Variants in TRAPPC3L observed in about 807,000 individuals in gnomAD.
TRAPPC3L encodes the protein trafficking protein particle complex subunit 3-like protein.
Under a neutral mutation model 23.7 loss-of-function variants are expected in TRAPPC3L, and 23 were observed. The ratio of observed to expected loss-of-function variants is 0.97; its 90% CI spans 0.70 to 1.37. The LOEUF is 1.37. Among genes scored for constraint, TRAPPC3L ranks in the 40% most tolerant of loss-of-function variants. The pLI is 0.00. For missense variants in TRAPPC3L, 212 were observed against 216.8 expected, an observed-to-expected ratio of 0.98 and a Z score of 0.14; for synonymous variants, 81 against 77.9, an observed-to-expected ratio of 1.04 and a Z score of -0.21.
chr6:116,516,764 G>A (rs942552962), intron 3 of TRAPPC3L: 2 of 142,456 alleles, frequency 1.4e-5, no homozygotes, highest in Non-Finnish European at 1.5e-5. Flanking sequence ...GAATATATTA[G>A]CATTTTCTTC....
intron 4 of TRAPPC3L, 87 bp from the exon 5 acceptor site, chr6:116,497,160 C>A (rs1771845201): frequency 6.9e-7 from 1 of 1,451,408 alleles, no homozygotes; most frequent in East Asian, 2.6e-5. Context: ...GCTTTCTTTA[C>A]TTTCCTTAAG....
chr6:116,543,326 A>G lies in TRAPPC3L; in HGVS notation c.117T>C (p.Asp39=). 2.6e-6 allele frequency: 4 copies of G among 1,549,512 alleles called. No homozygotes were observed. The highest frequency in any genetic ancestry group is 3.5e-6 in the Non-Finnish European group (4 of 1,145,510). Residue 39 remains aspartate, a synonymous_variant, in exon 2 of 5, where the codon GAT becomes GAC. Coordinates refer to ENST00000368602, the MANE Select transcript of TRAPPC3L (RefSeq NM_001139444.3). ...QLCKDYEKDE[D]VNQYLDKMGY... is the part of the protein sequence containing the mutation. The stretch of plus-strand genomic sequence containing the variant: ...ACATTTTATCTAAATATTGGTTCAC[A>G]TCTTCATCCTTCTCATAATCCTTAC...
In TRAPPC3L at chr6:116,496,944, G is replaced by T; in HGVS notation, c.*10C>A. The T allele has an allele frequency of 6.5e-7, 1 of 1,540,014 alleles. No individual in the cohort carries two copies. The highest frequency in any genetic ancestry group is 8.7e-7 in the Non-Finnish European group (1 of 1,144,006). ...AGCTAGCCGCCCCGTGGCATTTTCCGTGCTAGTCTTCATTTTTTCCCTCTA... is the reference window on the plus strand; with the variant it reads ...AGCTAGCCGCCCCGTGGCATTTTCCTTGCTAGTCTTCATTTTTTCCCTCTA... On this transcript the variant is annotated 3_prime_UTR_variant, in exon 5 of 5. Transcript: ENST00000368602.
At chr6:116,534,430 G>A (rs1268023324) in intron 3 of TRAPPC3L, among the ~76,000 whole-genome samples, 1 of 151,866 alleles carries the variant, frequency 6.6e-6, no homozygotes, top group African/African-American at 2.4e-5. Context: ...AGTCATAGCA[G>A]TCTTGTGCAT....
intron 3 of TRAPPC3L, among the ~76,000 whole-genome samples, chr6:116,532,903 A>G (rs1234036223): frequency 6.6e-6 from 1 of 152,246 alleles, no homozygotes; most frequent in African/African-American, 2.4e-5. Context: ...TTATCTTAAC[A>G]TTACAACTCT....
At chr6:116,512,359 C>A in intron 3 of TRAPPC3L, 1 of 1,088,358 alleles carries the variant, frequency 9.2e-7, no homozygotes, top group Non-Finnish European at 1.3e-6. Flanking sequence ...GAAACTGAAA[C>A]ATGATGCAGC....
chr6:116,508,144 G>A (rs1291446513), intron 3 of TRAPPC3L, among the ~76,000 whole-genome samples: 2 of 152,204 alleles, frequency 1.3e-5, no homozygotes, highest in Non-Finnish European at 2.9e-5. Context: ...CTTATAATCA[G>A]AAGGACTAGG....
Position 116,545,541 on chromosome 6 carries a change from C to T in TRAPPC3L, c.-27G>A, listed in dbSNP as rs1773731194. 1 of 1,542,320 alleles carries T rather than the reference C, an allele frequency of 6.5e-7. No homozygotes were observed. The highest frequency in any genetic ancestry group is 8.8e-7 in the Non-Finnish European group (1 of 1,141,036). ...GTGCTTGATAGATGAAGAATATGAT[C>T]TTCAATTTCTCTTCTTTTGCCTGTT... On this transcript the variant is annotated 5_prime_UTR_variant, in exon 1 of 5. Coordinates refer to ENST00000368602, the MANE Select transcript of TRAPPC3L (RefSeq NM_001139444.3).
intron 2 of TRAPPC3L, among the ~76,000 whole-genome samples, chr6:116,540,839 G>A (rs1194086577): frequency 6.6e-6 from 1 of 152,110 alleles, no homozygotes; most frequent in Non-Finnish European, 1.5e-5. Flanking sequence ...TAGCTAAAGC[G>A]TCTGCTACAT....
chr6:116,518,166 C>T (rs1479870761), intron 3 of TRAPPC3L: 1 of 152,170 alleles, frequency 6.6e-6, no homozygotes, highest in Non-Finnish European at 1.5e-5. Flanking sequence ...TTTGTAGCCA[C>T]GTCAGATAGA....
intron 3 of TRAPPC3L, among the ~76,000 whole-genome samples, chr6:116,506,271 C>T (rs1393151888): frequency 2.0e-5 from 3 of 152,196 alleles, no homozygotes; most frequent in Non-Finnish European, 4.4e-5. Flanking sequence ...AAATGCCCAT[C>T]ATCACTGTTC....
At chr6:116,522,916 A>G (rs2640871) in intron 3 of TRAPPC3L, 62,211 of 150,940 alleles carry the variant, frequency 0.41, 14,495 homozygotes, top group Middle Eastern at 0.6. Context: ...GCTAAATTTG[A>G]TAACACTAAG....
At chr6:116,542,268 G>A (rs930957654) in intron 2 of TRAPPC3L, among the ~76,000 whole-genome samples, 6 of 151,844 alleles carry the variant, frequency 4.0e-5, no homozygotes, top group Admixed American at 3.3e-4. Context: ...TCTTCTTTGC[G>A]AATGCCCTTG....
chr6:116,543,917 T>C (rs1188354873), intron 1 of TRAPPC3L: 12 of 1,400,256 alleles, frequency 8.6e-6, no homozygotes, highest in African/African-American at 1.4e-5. Context: ...GGGAATGTGA[T>C]ATTTCCTTAT....
intron 2 of TRAPPC3L, among the ~76,000 whole-genome samples, chr6:116,540,956 A>G (rs1057093035): frequency 5.3e-5 from 8 of 152,128 alleles, no homozygotes; most frequent in African/African-American, 1.4e-4. Flanking sequence ...AGCAGAAAAA[A>G]TTTTTGTTGC....
intron 3 of TRAPPC3L, among the ~76,000 whole-genome samples, chr6:116,534,043 G>A (rs777052929): frequency 8.5e-4 from 129 of 151,994 alleles, no homozygotes; most frequent in Non-Finnish European, 1.6e-3. Context: ...CTTAAGAAGT[G>A]GAACTCTGTC....
intron 3 of TRAPPC3L, chr6:116,515,861 C>T: frequency 1.2e-6 from 2 of 1,613,960 alleles, no homozygotes; most frequent in Non-Finnish European, 1.7e-6. Context: ...TGCTTCAGAG[C>T]TGCATTCTTT....
intron 3 of TRAPPC3L, among the ~76,000 whole-genome samples, chr6:116,514,059 G>A (rs138917633): frequency 3.7e-4 from 57 of 152,202 alleles, no homozygotes; most frequent in African/African-American, 1.3e-3. Context: ...AAGTCAATGA[G>A]GAAAACTGCC....
intron 3 of TRAPPC3L, among the ~76,000 whole-genome samples, chr6:116,514,919 A>G (rs993614744): frequency 2.0e-5 from 3 of 152,246 alleles, no homozygotes; most frequent in African/African-American, 7.2e-5. Flanking sequence ...TTAGAGCCAA[A>G]AAAGTTAGAA....
Sources: allele counts gnomAD v4.1 joint callset (sites outside exome capture counted in the v4.1 genomes callset), GRCh38; gene constraint gnomAD v4.1.1; transcripts MANE v1.5; gene names NCBI Gene and HGNC (gene_info 2026-07-23, HGNC 2026-07-21).